Variants in MYT1L observed in about 807,000 individuals in gnomAD.
MYT1L encodes myelin transcription factor 1 like.
In MYT1L, 12 loss-of-function variants were observed where a neutral mutation model predicts 126.7. That is an observed-to-expected ratio of 0.09 (90% CI 0.06 to 0.15). The LOEUF (loss-of-function observed/expected upper bound fraction) is 0.15, where lower values mean the gene tolerates loss of function less well. Ranked by LOEUF, MYT1L falls within the 10% of genes least tolerant of loss-of-function variation. The pLI is 1.00. For synonymous variants in MYT1L, 541 were observed against 604.2 expected (o/e 0.90, Z 1.53); for missense variants, 979 against 1,585.2 (o/e 0.62, Z 6.49).
chr2:1,962,742 C>A (rs1489303146), intron 8 of MYT1L, among the ~76,000 whole-genome samples: 1 of 152,194 alleles, frequency 6.6e-6, no homozygotes, highest in African/African-American at 2.4e-5. Context: ...AGCATCTTCA[C>A]CAGGAGTTGA....
intron 5 of MYT1L, among the ~76,000 whole-genome samples, chr2:1,990,620 C>T (rs2061380928): frequency 6.6e-6 from 1 of 152,148 alleles, no homozygotes; most frequent in Non-Finnish European, 1.5e-5. Flanking sequence ...AGCTCCATGG[C>T]CAGGGGTGTC....
intron 2 of MYT1L, among the ~76,000 whole-genome samples, chr2:2,208,821 C>T (rs1464323039): frequency 6.6e-6 from 1 of 152,120 alleles, no homozygotes; most frequent in Non-Finnish European, 1.5e-5. Context: ...CAGAAAGGCA[C>T]ATTTACCTAA....
At chr2:1,989,477 G>A (rs2061312964) in intron 5 of MYT1L, among the ~76,000 whole-genome samples, 2 of 152,132 alleles carry the variant, frequency 1.3e-5, no homozygotes, top group African/African-American at 4.8e-5. Context: ...CTTGGCACAG[G>A]GCAGTGGCTG....
Position 1,793,115 on chromosome 2 carries a change from T to A in MYT1L, c.3277-651A>T, listed in dbSNP as rs2032554734. On this transcript the variant is annotated intron_variant, in intron 23 of 24. Coordinates refer to ENST00000647738, the MANE Select transcript of MYT1L (RefSeq NM_001303052.2). This position sits in a 1 kb window ranked among gnomAD's most constrained non-coding sequence, Gnocchi z 4.6. The stretch of plus-strand genomic sequence containing the variant: ...ACAGCTAAGTCCTCCAATGCTCATT[T>A]CTGTGTGGAGGTGTCACTGTGTCTT... Among the ~76,000 whole-genome samples the A allele has an allele frequency of 6.6e-6, 1 of 152,204 alleles. No homozygotes were observed. Among genetic ancestry groups the A allele is most frequent in the Non-Finnish European group, 1.5e-5 (1 of 68,038 alleles).
chr2:1,949,937 T>A (rs980293167), intron 8 of MYT1L, among the ~76,000 whole-genome samples: 2 of 152,236 alleles, frequency 1.3e-5, no homozygotes, highest in Non-Finnish European at 2.9e-5. Context: ...TTTGGAATAA[T>A]TTTTAACATA....
chr2:2,253,838 A>T (rs2094729304), intron 2 of MYT1L, among the ~76,000 whole-genome samples: 1 of 151,768 alleles, frequency 6.6e-6, no homozygotes, highest in Admixed American at 6.6e-5. Flanking sequence ...AATTTCCCGG[A>T]AACAATCATT....
intron 2 of MYT1L, among the ~76,000 whole-genome samples, chr2:2,229,691 G>A (rs1354881177): frequency 6.6e-6 from 1 of 151,888 alleles, no homozygotes; most frequent in African/African-American, 2.4e-5. Flanking sequence ...TATAGGCAAG[G>A]CACTGTGTTC....
At chr2:2,093,071 T>C (rs2077057324) in intron 3 of MYT1L, among the ~76,000 whole-genome samples, 1 of 152,192 alleles carries the variant, frequency 6.6e-6, no homozygotes, top group African/African-American at 2.4e-5. Context: ...ATACAGAGGA[T>C]GAACTGACAA....
intron 13 of MYT1L, among the ~76,000 whole-genome samples, chr2:1,909,313 C>A (rs1393549047): frequency 2.0e-5 from 3 of 152,092 alleles, no homozygotes; most frequent in Non-Finnish European, 4.4e-5. Context: ...TTATTGCCCT[C>A]TCTTTAATAG....
chr2:2,032,078 A>G (rs2066367636), intron 4 of MYT1L, among the ~76,000 whole-genome samples: 1 of 134,934 alleles, frequency 7.4e-6, no homozygotes, highest in African/African-American at 3.0e-5. Flanking sequence ...AGATTCTAGA[A>G]GGAGGGCCTT....
At chr2:1,879,375 C>T (rs1397755416) in intron 18 of MYT1L, among the ~76,000 whole-genome samples, 3 of 152,208 alleles carry the variant, frequency 2.0e-5, no homozygotes, top group Admixed American at 1.3e-4. Flanking sequence ...ACTAGACTCT[C>T]CCATCACAGA....
At chr2:2,107,410 CAG>C (rs1448696384) in intron 3 of MYT1L, among the ~76,000 whole-genome samples, 1 of 152,120 alleles carries the variant, frequency 6.6e-6, no homozygotes, top group Admixed American at 6.6e-5. Flanking sequence ...CAGCAGAGGC[CAG>C]AAGTTGTCAG....
At chr2:1,792,155 AG>A in intron 24 of MYT1L, 148 bp from the exon 25 acceptor site, 1 of 1,225,718 alleles carries the variant, frequency 8.2e-7, no homozygotes, top group Non-Finnish European at 1.1e-6. Context: ...TTCTGGGGTC[AG>A]CCCCGCCCAT....
At chr2:2,327,783 A>G (rs1369037606) in intron 1 of MYT1L, among the ~76,000 whole-genome samples, 1 of 152,244 alleles carries the variant, frequency 6.6e-6, no homozygotes, top group Non-Finnish European at 1.5e-5. Context: ...GTCATTATCA[A>G]AGAGCATCTG....
chr2:2,215,442 G>C (rs919085718), intron 2 of MYT1L, among the ~76,000 whole-genome samples: 11 of 152,148 alleles, frequency 7.2e-5, no homozygotes, highest in Non-Finnish European at 8.8e-5. Flanking sequence ...CATACTACCA[G>C]GGTAAAGAAG....
At chr2:1,931,717 G>A (rs1558442091) in intron 9 of MYT1L, among the ~76,000 whole-genome samples, 2 of 152,196 alleles carry the variant, frequency 1.3e-5, no homozygotes, top group African/African-American at 2.4e-5. Context: ...TCTGTGCGTT[G>A]AGGAGCTCGA....
In MYT1L at chr2:1,912,728, G is replaced by A. The variant is rs555075358; in HGVS notation, c.1619-618C>T. Among the ~76,000 whole-genome samples, 17 of 151,876 alleles carry A rather than the reference G, an allele frequency of 1.1e-4. No homozygotes were observed. Among genetic ancestry groups the A allele is most frequent in the Middle Eastern group, 3.4e-3 (1 of 294 alleles). Reference sequence around the variant, plus strand: ...ATGAGCTAGAAGAGTAAGCGTCTGCGTTTTTACCCTGTGAAATTAACAAGC... The same window carrying A: ...ATGAGCTAGAAGAGTAAGCGTCTGCATTTTTACCCTGTGAAATTAACAAGC... On this transcript the variant is annotated intron_variant, in intron 11 of 24. Transcript: ENST00000647738. This position sits in a 1 kb window ranked among gnomAD's most constrained non-coding sequence, Gnocchi z 4.3.
At chr2:1,924,343 A>C (rs889475731) in intron 9 of MYT1L, among the ~76,000 whole-genome samples, 5 of 152,282 alleles carry the variant, frequency 3.3e-5, no homozygotes, top group African/African-American at 1.2e-4. Context: ...AGGGTTCCTA[A>C]ATGTATCTGT....
Position 2,257,108 on chromosome 2 carries a change from G to A in MYT1L, c.-421+27296C>T, listed in dbSNP as rs998911700. On this transcript the variant is annotated intron_variant, in intron 2 of 24. Coordinates refer to ENST00000647738, the MANE Select transcript of MYT1L (RefSeq NM_001303052.2). ...GTGGAATTGGAATGGGGTCCAGAAC[G>A]TCCTTGTCTAAGAAGCCCAGCTGAT... Among the ~76,000 whole-genome samples the A allele has an allele frequency of 1.2e-3, 175 of 152,066 alleles. 4 individuals carry two copies. Among genetic ancestry groups the A allele is most frequent in the Admixed American group, 0.011 (166 of 15,270 alleles).
Sources: allele counts gnomAD v4.1 joint callset (sites outside exome capture counted in the v4.1 genomes callset), GRCh38; gene constraint gnomAD v4.1.1; non-coding constraint Gnocchi (gnomAD v3.1); transcripts MANE v1.5; gene names NCBI Gene and HGNC (gene_info 2026-07-23, HGNC 2026-07-21).